Variants in CRACDL observed in about 807,000 individuals in gnomAD.
The protein encoded by CRACDL is CRACD like, also known as CRACD-like protein.
A neutral mutation model predicts 70.6 loss-of-function variants in CRACDL; 26 were observed. That is an observed-to-expected ratio of 0.37 (90% CI 0.27 to 0.51). The LOEUF (loss-of-function observed/expected upper bound fraction) is 0.51. Among genes scored for constraint, CRACDL ranks in the 20% least tolerant of loss-of-function variants. The pLI is 0.94. For missense variants in CRACDL, 1,283 were observed against 1,376.9 expected (o/e 0.93, Z 1.08); for synonymous variants, 618 against 615.2 (o/e 1.00, Z -0.07).
At chr2:98,831,061 C>T (rs1001447977) in intron 5 of CRACDL, among the ~76,000 whole-genome samples, 5 of 152,184 alleles carry the variant, frequency 3.3e-5, no homozygotes, top group African/African-American at 1.2e-4. Context: ...AAAAGGGGTA[C>T]AGGGTTGGCT....
At chr2:98,897,173 T>G (rs1373926853) in intron 1 of CRACDL, among the ~76,000 whole-genome samples, 2 of 152,164 alleles carry the variant, frequency 1.3e-5, no homozygotes, top group African/African-American at 4.8e-5. Context: ...GATCGTTCTG[T>G]CTCTTTGAGA....
chr2:98,912,838 C>A (rs940224031), intron 1 of CRACDL: 2 of 152,256 alleles, frequency 1.3e-5, no homozygotes, highest in East Asian at 3.8e-4. Flanking sequence ...CGTCCTTGGG[C>A]CTGACGGTGG....
chr2:98,803,097 T>C lies in CRACDL; in HGVS notation c.2417-5560A>G, dbSNP rs182085515. Among the ~76,000 whole-genome samples the C allele has an allele frequency of 1.3e-3, 203 of 152,014 alleles. 1 individual carries two copies. The highest frequency in any genetic ancestry group is 4.8e-3 in the African/African-American group (199 of 41,436). On this transcript the variant is annotated intron_variant, in intron 7 of 9. Coordinates refer to ENST00000397899, the MANE Select transcript of CRACDL (RefSeq NM_207362.3). ...TCACTGCAAGCTCCGCCTCCTGGGT[T>C]CAAGGGATTCCCTTGCCTCAGCCTC...
chr2:98,873,657 A>G (rs1296003444), intron 1 of CRACDL, among the ~76,000 whole-genome samples: 1 of 152,210 alleles, frequency 6.6e-6, no homozygotes, highest in Non-Finnish European at 1.5e-5. Flanking sequence ...GGATTTACAA[A>G]CATTACAACG....
intron 1 of CRACDL, among the ~76,000 whole-genome samples, chr2:98,885,507 C>A (rs959049150): frequency 6.6e-6 from 1 of 152,066 alleles, no homozygotes; most frequent in African/African-American, 2.4e-5. Flanking sequence ...GTTTACCATT[C>A]AGAATGAAAT....
intron 1 of CRACDL, among the ~76,000 whole-genome samples, chr2:98,874,000 T>A (rs1707417386): frequency 6.6e-6 from 1 of 152,174 alleles, no homozygotes; most frequent in African/African-American, 2.4e-5. Context: ...AGTGAGACTC[T>A]GTCTCAAAAA....
intron 1 of CRACDL, among the ~76,000 whole-genome samples, chr2:98,876,133 G>A (rs1158853964): frequency 6.6e-6 from 1 of 152,312 alleles, no homozygotes; most frequent in East Asian, 1.9e-4. Flanking sequence ...TAGATATGAG[G>A]AAATTATACA....
chr2:98,825,243 T>C (rs1705254871), intron 6 of CRACDL, among the ~76,000 whole-genome samples: 1 of 152,080 alleles, frequency 6.6e-6, no homozygotes, highest in Non-Finnish European at 1.5e-5. Flanking sequence ...CTCTGAGAAC[T>C]TCAGATATCC....
intron 1 of CRACDL, among the ~76,000 whole-genome samples, chr2:98,929,393 C>T (rs965166882): frequency 2.0e-5 from 3 of 152,122 alleles, no homozygotes; most frequent in East Asian, 1.9e-4. Flanking sequence ...TGTGTGTAGT[C>T]GCAGAGTTGT....
In CRACDL at chr2:98,881,834, C is replaced by A. The variant is rs778714301; in HGVS notation, c.-10-35024G>T. Among the ~76,000 whole-genome samples the A allele has an allele frequency of 4.3e-4, 66 of 152,260 alleles. 1 individual carries two copies. The highest frequency in any genetic ancestry group is 3.4e-3 in the Middle Eastern group (1 of 294). The stretch of plus-strand genomic sequence containing the variant: ...AGAGGAGGGAGTCTCTGAAGTTGAT[C>A]CAGTCCACTTCTGAGAGGTGCCTCT... On this transcript the variant is annotated intron_variant, in intron 1 of 9. Transcript: ENST00000397899.
chr2:98,875,028 C>G (rs998334172), intron 1 of CRACDL, among the ~76,000 whole-genome samples: 20 of 152,208 alleles, frequency 1.3e-4, no homozygotes, highest in Admixed American at 1.3e-3. Context: ...CACCTGGAGC[C>G]CATGTACTGC....
rs1708487926 is a variant in CRACDL, at chr2:98,909,302, C to CA, written c.-11+26635dup. Among the ~76,000 whole-genome samples, 3 of 152,198 alleles carry CA rather than the reference C, an allele frequency of 2.0e-5. No homozygotes were observed. In the South Asian group the frequency reaches 6.2e-4, roughly 32 times the overall value. Reference sequence around the variant, plus strand: ...TTCTCAAGGGGAACTTATTTGTTCACAAAATTGCTTTCTTTATTTTGGTTC... The same window carrying CA: ...TTCTCAAGGGGAACTTATTTGTTCACAAAAATTGCTTTCTTTATTTTGGTTC... On this transcript the variant is annotated intron_variant, in intron 1 of 9. Coordinates refer to ENST00000397899, the MANE Select transcript of CRACDL (RefSeq NM_207362.3).
intron 1 of CRACDL, among the ~76,000 whole-genome samples, chr2:98,879,530 T>G (rs1018013369): frequency 6.6e-6 from 1 of 152,126 alleles, no homozygotes; most frequent in Non-Finnish European, 1.5e-5. Flanking sequence ...TCCAAATCAT[T>G]CTAGCCTCTG....
intron 1 of CRACDL, among the ~76,000 whole-genome samples, chr2:98,925,068 C>G (rs1462852165): frequency 1.3e-5 from 2 of 152,206 alleles, no homozygotes; most frequent in African/African-American, 4.8e-5. Context: ...TGTCCCTTTC[C>G]TTCCCCTTCT....
chr2:98,833,676 C>A (rs72811065), intron 3 of CRACDL, among the ~76,000 whole-genome samples: 14,862 of 152,288 alleles, frequency 0.098, 941 homozygotes, highest in South Asian at 0.21. Context: ...GACTGAACCC[C>A]CAGGACATTC....
chr2:98,927,244 G>C (rs548151046), intron 1 of CRACDL, among the ~76,000 whole-genome samples: 2 of 152,246 alleles, frequency 1.3e-5, no homozygotes, highest in East Asian at 3.8e-4. Context: ...GGTGGACGGT[G>C]GGAGGTGTGT....
chr2:98,794,330 T>TTCTGGGCCC lies in CRACDL; in HGVS notation c.*193_*201dup. 2.2e-6 allele frequency: 1 copy of TTCTGGGCCC among 463,050 alleles called. No individual in the cohort carries two copies. Among genetic ancestry groups the TTCTGGGCCC allele is most frequent in the Non-Finnish European group, 3.8e-6 (1 of 263,114 alleles). The allele number at this position is 463,050 out of a possible 1,614,324, so 28.7% of individuals were successfully genotyped here. A position where few individuals can be genotyped will look rare whatever the true frequency, so the allele number is the denominator to read the frequency against. On this transcript the variant is annotated 3_prime_UTR_variant, in exon 10 of 10. Transcript: ENST00000397899. ...TGGACTTTTTCAATGTTGTTCTTGT[T>TTCTGGGCCC]TCTGGGCCCTCTGGCCCAGGAGTAT...
intron 1 of CRACDL, among the ~76,000 whole-genome samples, chr2:98,885,014 T>G (rs941654420): frequency 6.6e-6 from 1 of 152,074 alleles, no homozygotes; most frequent in African/African-American, 2.4e-5. Flanking sequence ...GACCACTGAG[T>G]CAGCTTCAGC....
intron 3 of CRACDL, among the ~76,000 whole-genome samples, chr2:98,835,481 C>T (rs1201487767): frequency 1.3e-5 from 2 of 152,110 alleles, no homozygotes; most frequent in African/African-American, 2.4e-5. Flanking sequence ...TGTCAAAAGA[C>T]GGAGCGAATT....
Sources: allele counts gnomAD v4.1 joint callset (sites outside exome capture counted in the v4.1 genomes callset), GRCh38; gene constraint gnomAD v4.1.1; transcripts MANE v1.5; gene names NCBI Gene and HGNC (gene_info 2026-07-23, HGNC 2026-07-21).